XKR9: variants seen among roughly 807,000 people sequenced by gnomAD.
The protein encoded by XKR9 is XK-related protein 9.
XKR9 carries 32 observed loss-of-function variants against 32.0 expected under a neutral mutation model. The ratio of observed to expected loss-of-function variants is 1.00; its 90% CI spans 0.76 to 1.34. The LOEUF (loss-of-function observed/expected upper bound fraction) is 1.34. XKR9 is among the 40% of genes most tolerant of loss of function. The pLI is 0.00. For synonymous variants in XKR9, 168 were observed against 143.4 expected, an observed-to-expected ratio of 1.17 and a Z score of -1.22; for missense variants, 546 against 429.7, an observed-to-expected ratio of 1.27 and a Z score of -2.39.
intron 4 of XKR9, among the ~76,000 whole-genome samples, chr8:70,732,358 A>G (rs978306917): frequency 6.6e-6 from 1 of 152,204 alleles, no homozygotes; most frequent in Non-Finnish European, 1.5e-5. Flanking sequence ...CACCAGGACT[A>G]TTTCCGTATT....
chr8:71,012,406 G>A, the XKR9 span, among the ~76,000 whole-genome samples: 2 of 152,176 alleles, frequency 1.3e-5, no homozygotes, highest in Non-Finnish European at 2.9e-5. Flanking sequence ...GTTTGAGGGT[G>A]AACAGGATTC....
the XKR9 span, among the ~76,000 whole-genome samples, chr8:70,923,143 G>A: frequency 6.6e-6 from 1 of 152,176 alleles, no homozygotes; most frequent in Non-Finnish European, 1.5e-5. Flanking sequence ...TCTCTATGAC[G>A]GCCCACTGAA....
downstream of XKR9, among the ~76,000 whole-genome samples, chr8:70,739,786 A>G (rs918714670): frequency 2.0e-5 from 3 of 152,172 alleles, no homozygotes; most frequent in Admixed American, 1.3e-4. Flanking sequence ...CAGAATGTTG[A>G]ATATTGGCCC....
intron 2 of XKR9, among the ~76,000 whole-genome samples, chr8:70,757,121 GCTTA>G (rs1807238139): frequency 1.3e-5 from 2 of 151,464 alleles, no homozygotes; most frequent in Admixed American, 6.6e-5. Context: ...TTGTTTTTTA[GCTTA>G]CTTATATGAC....
At chr8:70,778,826 T>C (rs188845061) in intron 2 of XKR9, among the ~76,000 whole-genome samples, 1 of 152,328 alleles carries the variant, frequency 6.6e-6, no homozygotes, top group African/African-American at 2.4e-5. Context: ...TGACGTTGCT[T>C]ATCAGCTTAA....
chr8:71,020,146 G>A, the XKR9 span, among the ~76,000 whole-genome samples: 1 of 152,150 alleles, frequency 6.6e-6, no homozygotes, highest in Non-Finnish European at 1.5e-5. Flanking sequence ...ATAATCAGTA[G>A]TTCTTAACAC....
chr8:70,801,625 G>A, the XKR9 span, among the ~76,000 whole-genome samples: 2 of 152,168 alleles, frequency 1.3e-5, no homozygotes, highest in African/African-American at 4.8e-5. Context: ...CAGATGAGAA[G>A]AATGTGTATT....
At chr8:70,932,746 G>C in the XKR9 span, among the ~76,000 whole-genome samples, 2 of 152,040 alleles carry the variant, frequency 1.3e-5, no homozygotes, top group Non-Finnish European at 2.9e-5. Flanking sequence ...CCTAGTGCTT[G>C]TCCTCTTTTT....
the XKR9 span, among the ~76,000 whole-genome samples, chr8:70,901,118 T>A: frequency 6.6e-6 from 1 of 152,340 alleles, no homozygotes; most frequent in Non-Finnish European, 1.5e-5. Context: ...TCAATAAACA[T>A]ACGTGTGCAT....
chr8:70,816,191 C>T, the XKR9 span, among the ~76,000 whole-genome samples: 1 of 152,146 alleles, frequency 6.6e-6, no homozygotes, highest in African/African-American at 2.4e-5. Context: ...AATAAAGCCA[C>T]ATATTTGCAC....
At chr8:70,751,500 G>T (rs1807140578) in intron 2 of XKR9, among the ~76,000 whole-genome samples, 1 of 152,154 alleles carries the variant, frequency 6.6e-6, no homozygotes, top group South Asian at 2.1e-4. Flanking sequence ...TTATTTCTGG[G>T]TGTGGTTGTG....
intron 2 of XKR9, among the ~76,000 whole-genome samples, chr8:70,787,920 T>TA (rs982325032): frequency 2.6e-5 from 4 of 151,036 alleles, no homozygotes; most frequent in Admixed American, 6.6e-5. Flanking sequence ...AATAAGCAAA[T>TA]AAAAAAAAAT....
At chr8:70,729,849 C>T (rs1269804426) in intron 4 of XKR9, among the ~76,000 whole-genome samples, 5 of 152,060 alleles carry the variant, frequency 3.3e-5, no homozygotes, top group Non-Finnish European at 7.4e-5. Flanking sequence ...GATAGTGCTT[C>T]CTGTATGATT....
chr8:70,825,312 T>C, the XKR9 span, among the ~76,000 whole-genome samples: 1 of 152,128 alleles, frequency 6.6e-6, no homozygotes, highest in Non-Finnish European at 1.5e-5. Context: ...AGTGACCTGC[T>C]CAGGTATCTT....
chr8:70,892,450 G>A, the XKR9 span, among the ~76,000 whole-genome samples: 2 of 151,968 alleles, frequency 1.3e-5, no homozygotes, highest in African/African-American at 2.4e-5. Flanking sequence ...ACTTTTGCAT[G>A]TTTTTATGAT....
intron 3 of XKR9, among the ~76,000 whole-genome samples, chr8:70,698,049 A>T (rs1586827009): frequency 1.3e-4 from 20 of 151,482 alleles, no homozygotes; most frequent in Admixed American, 1.1e-3. Flanking sequence ...ATCATTTTTT[A>T]TTTCGTCTAT....
At chr8:70,783,928 C>A (rs1318802341) in intron 2 of XKR9, among the ~76,000 whole-genome samples, 1 of 152,150 alleles carries the variant, frequency 6.6e-6, no homozygotes, top group Non-Finnish European at 1.5e-5. Flanking sequence ...TGTGGACATT[C>A]AATTTTCCCG....
At chr8:70,978,348 G>C in the XKR9 span, among the ~76,000 whole-genome samples, 1 of 152,104 alleles carries the variant, frequency 6.6e-6, no homozygotes, top group Non-Finnish European at 1.5e-5. Context: ...TTTAGAATTT[G>C]GCATGTTTTT....
intron 4 of XKR9, among the ~76,000 whole-genome samples, chr8:70,715,185 T>G (rs928224358): frequency 6.6e-6 from 1 of 152,228 alleles, no homozygotes; most frequent in African/African-American, 2.4e-5. Flanking sequence ...CACCACTTAC[T>G]AATCTTACTT....
Sources: allele counts gnomAD v4.1 joint callset (sites outside exome capture counted in the v4.1 genomes callset), GRCh38; gene constraint gnomAD v4.1.1; transcripts MANE v1.5; gene names NCBI Gene and HGNC (gene_info 2026-07-23, HGNC 2026-07-21).